Variants in TUBGCP3 observed in about 807,000 individuals in gnomAD.
TUBGCP3 encodes tubulin gamma complex component 3, also known as gamma-tubulin complex component 3.
In TUBGCP3, 50 loss-of-function variants were observed where a neutral mutation model predicts 123.1. That is an observed-to-expected ratio of 0.41 (90% CI 0.32 to 0.51). The LOEUF (loss-of-function observed/expected upper bound fraction) is 0.51, where lower values mean the gene tolerates loss of function less well. Ranked by LOEUF, TUBGCP3 falls within the 20% of genes least tolerant of loss-of-function variation. The pLI is 0.36. For synonymous variants in TUBGCP3, 405 were observed against 413.9 expected, an observed-to-expected ratio of 0.98 and a Z score of 0.26; for missense variants, 882 against 1,127.0, an observed-to-expected ratio of 0.78 and a Z score of 3.11.
At chr13:112,571,450 G>C (rs988005191) in intron 1 of TUBGCP3, among the ~76,000 whole-genome samples, 2 of 152,206 alleles carry the variant, frequency 1.3e-5, no homozygotes, top group African/African-American at 2.4e-5. Context: ...GCTATAAAAA[G>C]ATGTGCTGTC....
In TUBGCP3 at chr13:112,551,937, A is replaced by G. The variant is rs377677663; in HGVS notation, c.966+2120T>C. Among the ~76,000 whole-genome samples the G allele has an allele frequency of 3.9e-5, 6 of 152,282 alleles. No homozygotes were observed. In the East Asian group the frequency reaches 5.8e-4, roughly 15 times the overall value. On this transcript the variant is annotated intron_variant, in intron 8 of 21. Transcript: ENST00000261965. Reference sequence around the variant, plus strand: ...CTGTTCCCACCTCAGATAATCAGACATTAGATTCTCATACGAAGCATGCAA... The same window carrying G: ...CTGTTCCCACCTCAGATAATCAGACGTTAGATTCTCATACGAAGCATGCAA...
At chr13:112,598,479 C>G in the TUBGCP3 span, among the ~76,000 whole-genome samples, 2 of 151,992 alleles carry the variant, frequency 1.3e-5, no homozygotes, top group African/African-American at 4.8e-5. Context: ...AAATAACTCA[C>G]CAATAAAGAA....
At chr13:112,595,131 G>A in the TUBGCP3 span, among the ~76,000 whole-genome samples, 8 of 152,162 alleles carry the variant, frequency 5.3e-5, no homozygotes, top group African/African-American at 9.7e-5. Flanking sequence ...CAATTGGCGG[G>A]AAAGGAGAGT....
At chr13:112,559,118 C>G (rs1211997538) in intron 4 of TUBGCP3, among the ~76,000 whole-genome samples, 5 of 152,122 alleles carry the variant, frequency 3.3e-5, no homozygotes, top group Non-Finnish European at 5.9e-5. Context: ...GTCTGAATAA[C>G]AAAATTCTGA....
At chr13:112,586,852 G>C (rs567732936) in intron 1 of TUBGCP3, among the ~76,000 whole-genome samples, 2 of 152,228 alleles carry the variant, frequency 1.3e-5, no homozygotes, top group East Asian at 3.9e-4. Context: ...TAAAGTGATA[G>C]AATCAAACTT....
At chr13:112,529,575 C>T (rs1315889721) in intron 11 of TUBGCP3, among the ~76,000 whole-genome samples, 2 of 152,212 alleles carry the variant, frequency 1.3e-5, no homozygotes, top group Admixed American at 6.5e-5. Flanking sequence ...GCCGCTCCTG[C>T]GTCCTTCACC....
At position 112,554,182 on chromosome 13, in the gene TUBGCP3, C is replaced by A. The variant is rs1447681514; in HGVS notation, c.841G>T (p.Ala281Ser). Residue 281 changes from alanine to serine, a missense_variant and splice_region_variant, in exon 8 of 22, where the codon GCA becomes TCA. Coordinates refer to ENST00000261965, the MANE Select transcript of TUBGCP3 (RefSeq NM_006322.6). ...TCTCTCAAAGACCTACTTAGATTTG[C>A]CTAAAAAGTAAATACATCAAATGTT... ...TENCYKVEGK[A>S]NLSRSLRDTA... The A allele has an allele frequency of 6.2e-7, 1 of 1,612,280 alleles. No individual in the cohort carries two copies. Among genetic ancestry groups the A allele is most frequent in the Non-Finnish European group, 8.5e-7 (1 of 1,179,644 alleles).
chr13:112,544,859 T>C (rs1029420067), intron 11 of TUBGCP3: 1 of 152,136 alleles, frequency 6.6e-6, no homozygotes, highest in Non-Finnish European at 1.5e-5. Context: ...AACAATAAAT[T>C]AGAAAACAAA....
intron 17 of TUBGCP3, 58 bp from the exon 18 acceptor site, chr13:112,504,772 C>A: frequency 7.3e-7 from 1 of 1,372,206 alleles, no homozygotes; most frequent in Non-Finnish European, 1.0e-6. Flanking sequence ...CGACAACGCG[C>A]TGTTCTCCCT....
At chr13:112,573,266 A>G (rs1201864827) in intron 1 of TUBGCP3, among the ~76,000 whole-genome samples, 1 of 151,796 alleles carries the variant, frequency 6.6e-6, no homozygotes, top group Admixed American at 6.6e-5. Context: ...TATTAAAAGT[A>G]TGAAGGCAGA....
chr13:112,543,053 G>C (rs1010939304), intron 11 of TUBGCP3, among the ~76,000 whole-genome samples: 15 of 152,188 alleles, frequency 9.9e-5, no homozygotes, highest in African/African-American at 3.4e-4. Flanking sequence ...GGGAGGCTGA[G>C]GCAGGAGAAC....
Position 112,504,017 on chromosome 13 carries a change from A to G in TUBGCP3, c.2307+15T>C. 1 of 1,585,540 alleles carries G rather than the reference A, an allele frequency of 6.3e-7. No homozygotes were observed. The highest frequency in any genetic ancestry group is 1.8e-5 in the Admixed American group (1 of 56,234). ...TTCTTTTGGTTTCTTGTTTCTAAGCAGGTCGGAGTCTTACCCTGGAGTCAC... is the reference window on the plus strand; with the variant it reads ...TTCTTTTGGTTTCTTGTTTCTAAGCGGGTCGGAGTCTTACCCTGGAGTCAC... On this transcript the variant is annotated intron_variant, in intron 19 of 21. Coordinates refer to ENST00000261965, the MANE Select transcript of TUBGCP3 (RefSeq NM_006322.6).
chr13:112,569,327 A>T (rs1002338750), intron 1 of TUBGCP3, 68 bp from the exon 2 acceptor site: 4 of 1,413,560 alleles, frequency 2.8e-6, no homozygotes, highest in Non-Finnish European at 4.0e-6. Flanking sequence ...TGAAGCTTCC[A>T]GTTCAAGACA....
intron 8 of TUBGCP3, among the ~76,000 whole-genome samples, chr13:112,550,960 G>A (rs184746942): frequency 3.9e-5 from 6 of 152,190 alleles, no homozygotes; most frequent in Non-Finnish European, 5.9e-5. Flanking sequence ...TTAGCCGGGC[G>A]TGGTGGTGGG....
intron 11 of TUBGCP3, among the ~76,000 whole-genome samples, chr13:112,531,560 C>T (rs965121818): frequency 1.3e-5 from 2 of 152,078 alleles, no homozygotes; most frequent in African/African-American, 2.4e-5. Flanking sequence ...CAGAAGAGCT[C>T]GTTTCTACAG....
At chr13:112,556,013 G>A in intron 6 of TUBGCP3, 39 bp downstream of exon 6, 2 of 1,572,610 alleles carry the variant, frequency 1.3e-6, no homozygotes, top group Non-Finnish European at 1.7e-6. Flanking sequence ...AATTCCAAGT[G>A]TTCACAGAAA....
chr13:112,496,106 G>T (rs560782609), intron 20 of TUBGCP3, among the ~76,000 whole-genome samples: 34 of 152,130 alleles, frequency 2.2e-4, no homozygotes, highest in Non-Finnish European at 4.6e-4. Flanking sequence ...ATGCATTATC[G>T]TAAGATGGCA....
At chr13:112,561,989 T>C (rs1880543664) in intron 3 of TUBGCP3, among the ~76,000 whole-genome samples, 1 of 152,124 alleles carries the variant, frequency 6.6e-6, no homozygotes, top group Non-Finnish European at 1.5e-5. Flanking sequence ...AACCATTTGA[T>C]ACGAAGGTGT....
intron 14 of TUBGCP3, 80 bp from the exon 15 acceptor site, chr13:112,520,101 G>C: frequency 7.3e-7 from 1 of 1,369,848 alleles, no homozygotes; most frequent in Non-Finnish European, 9.8e-7. Context: ...ACTATTAAAA[G>C]TAAGAGTTCA....
Sources: gnomAD v4.1 joint callset for allele counts (sites outside exome capture counted in the v4.1 genomes callset) on GRCh38, gnomAD v4.1.1 for gene constraint, MANE v1.5 for transcripts, NCBI Gene and HGNC (gene_info 2026-07-23, HGNC 2026-07-21) for gene names.